The following RPS6KA2 variants were observed in gnomAD, a reference collection of about 807,000 sequenced individuals.
RPS6KA2 encodes the protein ribosomal protein S6 kinase alpha-2.
In RPS6KA2, 42 loss-of-function variants were observed where a neutral mutation model predicts 91.8. The observed-to-expected ratio is 0.46, with a 90% CI of 0.36 to 0.59. RPS6KA2 has a LOEUF of 0.59. Among genes scored for constraint, RPS6KA2 ranks in the 20% least tolerant of loss-of-function variants. RPS6KA2 has a pLI of 0.00. For missense variants in RPS6KA2, 798 were observed against 978.5 expected, an observed-to-expected ratio of 0.82 and a Z score of 2.46; for synonymous variants, 414 against 393.6, an observed-to-expected ratio of 1.05 and a Z score of -0.61.
chr6:166,537,144 G>A (rs564043864), intron 2 of RPS6KA2, among the ~76,000 whole-genome samples: 10 of 152,228 alleles, frequency 6.6e-5, no homozygotes, highest in Non-Finnish European at 1.5e-4. Flanking sequence ...GTATTCCAGC[G>A]CTCCTTCCCT....
chr6:166,759,709 C>A (rs1259345040), intron 2 of RPS6KA2, among the ~76,000 whole-genome samples: 1 of 152,178 alleles, frequency 6.6e-6, no homozygotes, highest in Non-Finnish European at 1.5e-5. Context: ...ATATGTGCAG[C>A]CTTTCACAGA....
rs1055361744 is a variant in RPS6KA2 at position 166,563,943 on chromosome 6, C to G, written c.100-25159G>C. 5.3e-5 allele frequency among the ~76,000 whole-genome samples: 8 copies of G among 152,132 alleles called. No individual in the cohort carries two copies. The highest frequency in any genetic ancestry group is 1.9e-4 in the African/African-American group (8 of 41,418). ...GGCAGGAAAGAGGAGACGATTACTC[C>G]GTGTCTCAGCATGAAGAAATGGCAG... On this transcript the variant is annotated intron_variant, in intron 1 of 20. Coordinates refer to ENST00000265678, the MANE Select transcript of RPS6KA2 (RefSeq NM_021135.6). The surrounding 1 kb of genome is among the most constrained non-coding windows in gnomAD (Gnocchi z 4.1).
At chr6:166,468,019 C>T (rs957369179) in intron 11 of RPS6KA2, among the ~76,000 whole-genome samples, 1 of 152,264 alleles carries the variant, frequency 6.6e-6, no homozygotes, top group Non-Finnish European at 1.5e-5. Flanking sequence ...ATCTGGGTTC[C>T]AGGCACAGTG....
intron 10 of RPS6KA2, among the ~76,000 whole-genome samples, chr6:166,486,065 T>C (rs1048974854): frequency 1.3e-5 from 2 of 152,112 alleles, no homozygotes; most frequent in African/African-American, 4.8e-5. Flanking sequence ...GCACATCTCT[T>C]GGAAATGTGG....
intron 2 of RPS6KA2, among the ~76,000 whole-genome samples, chr6:166,694,447 C>T (rs145849733): frequency 0.012 from 1,832 of 152,310 alleles, 18 homozygotes; most frequent in Admixed American, 0.02. Flanking sequence ...ATTCTTGATT[C>T]CTTAACTAAA....
chr6:166,435,690 A>G lies in RPS6KA2; in HGVS notation c.1333-3200T>C, dbSNP rs974801230. ...AGGGTAGAGCCAGCGGTCTTTCAGC[A>G]AACATCTGGTTTGCTCCTGAGGGGA... is the stretch of plus-strand genomic sequence containing the variant. On this transcript the variant is annotated intron_variant, in intron 14 of 20. Transcript: ENST00000265678. The surrounding 1 kb of genome is among the most constrained non-coding windows in gnomAD (Gnocchi z 4.3). Among the ~76,000 whole-genome samples, 3 of 152,260 alleles carry G rather than the reference A, an allele frequency of 2.0e-5. No homozygotes were observed. Among genetic ancestry groups the G allele is most frequent in the Admixed American group, 1.3e-4 (2 of 15,290 alleles).
rs990737622 is a variant in RPS6KA2 at position 166,779,905 on chromosome 6, T to C, written c.123+78295A>G. ...CGCTAGAGACAACCAATGCTCTCAG[T>C]GGCAAACACTGGGGTGGCAGACTGG... On this transcript the variant is annotated intron_variant, in intron 2 of 21. Transcript: ENST00000503859. 2.0e-5 allele frequency among the ~76,000 whole-genome samples: 3 copies of C among 152,188 alleles called. No individual in the cohort carries two copies. The East Asian group carries it at 5.8e-4, about 29-fold the overall frequency.
Position 166,688,349 on chromosome 6 carries a change from A to C in RPS6KA2, c.124-149565T>G, listed in dbSNP as rs181354716. ...CACAGGGCCCCCGCCAGGGTCCTCA[A>C]CCTCAATTTCCCACTCGTGTCCCAC... On this transcript the variant is annotated intron_variant, in intron 2 of 21. Transcript: ENST00000503859. Among the ~76,000 whole-genome samples the C allele has an allele frequency of 3.6e-3, 542 of 152,198 alleles. 4 individuals are homozygous for C. Among genetic ancestry groups the C allele is most frequent in the African/African-American group, 0.013 (522 of 41,520 alleles).
intron 16 of RPS6KA2, among the ~76,000 whole-genome samples, chr6:166,427,850 A>C (rs1261519421): frequency 6.6e-6 from 1 of 152,230 alleles, no homozygotes; most frequent in Non-Finnish European, 1.5e-5. Flanking sequence ...AGGAAGAATC[A>C]ATATCGTGAA....
rs550461492 is a variant in RPS6KA2, at chr6:166,412,112, C to T, written c.*650G>A. On this transcript the variant is annotated 3_prime_UTR_variant, in exon 21 of 21. Coordinates refer to ENST00000265678, the MANE Select transcript of RPS6KA2 (RefSeq NM_021135.6). This position sits in a 1 kb window ranked among gnomAD's most constrained non-coding sequence, Gnocchi z 4.3. ...AAGATCCAGCCTGCCTTCCTCTCGTCTGGGCTCTTACTCCTCATTTGAATC... is the reference window on the plus strand; with the variant it reads ...AAGATCCAGCCTGCCTTCCTCTCGTTTGGGCTCTTACTCCTCATTTGAATC... 2.0e-4 allele frequency: 31 copies of T among 152,696 alleles called. No homozygotes were observed. Among genetic ancestry groups the T allele is most frequent in the African/African-American group, 6.3e-4 (26 of 41,558 alleles). The allele number at this position is 152,696 out of a possible 1,614,324, so 9.5% of individuals were successfully genotyped here.
chr6:166,674,718 G>C (rs1176365027), intron 2 of RPS6KA2, among the ~76,000 whole-genome samples: 1 of 152,196 alleles, frequency 6.6e-6, no homozygotes, highest in Non-Finnish European at 1.5e-5. Flanking sequence ...GCCCACAATG[G>C]AGTGCAATGG....
At position 166,588,197 on chromosome 6, in the gene RPS6KA2, G is replaced by A. The variant is rs569007466; in HGVS notation, c.99+38724C>T. On this transcript the variant is annotated intron_variant, in intron 1 of 20. Coordinates refer to ENST00000265678, the MANE Select transcript of RPS6KA2 (RefSeq NM_021135.6). ...GCCCTCACCCTCCACTGCTCCCTGA[G>A]TGTGGTTTAAAAAGAGGAACAAGGA... 4.6e-5 allele frequency among the ~76,000 whole-genome samples: 7 copies of A among 152,050 alleles called. No homozygotes were observed. In the South Asian group the frequency reaches 1.3e-3, roughly 27 times the overall value.
At chr6:166,549,301 C>T (rs1473307995) in intron 1 of RPS6KA2, among the ~76,000 whole-genome samples, 7 of 152,180 alleles carry the variant, frequency 4.6e-5, no homozygotes, top group African/African-American at 1.7e-4. Context: ...CAAACGTATT[C>T]CAGGGCATTT....
intron 1 of RPS6KA2, among the ~76,000 whole-genome samples, chr6:166,565,629 G>C (rs1315861794): frequency 1.3e-5 from 2 of 152,230 alleles, no homozygotes. Context: ...GGCAGACTCA[G>C]CCAATCCCAG....
chr6:166,517,455 GTTTTTTTTTTTTTTTTTTTTT>G (rs71032809), intron 3 of RPS6KA2, among the ~76,000 whole-genome samples: 2 of 104,970 alleles, frequency 1.9e-5, no homozygotes, highest in Admixed American at 1.9e-4. Flanking sequence ...CTTTTGTTTT[GTTTTTTTTTTTTTTTTTTTTT>G]TTTTTTTTTT....
At chr6:166,712,240 G>A (rs983167877) in intron 2 of RPS6KA2, among the ~76,000 whole-genome samples, 1 of 152,186 alleles carries the variant, frequency 6.6e-6, no homozygotes, top group African/African-American at 2.4e-5. Flanking sequence ...ACTGTGGATA[G>A]GCACATCACC....
intron 2 of RPS6KA2, among the ~76,000 whole-genome samples, chr6:166,812,596 G>GCGTGGCCTCCCATACCCGTGGCCA: frequency 6.6e-6 from 1 of 152,196 alleles, no homozygotes; most frequent in African/African-American, 2.4e-5. Flanking sequence ...TGTGTTGGGC[G>GCGTGGCCTCCCATACCCGTGGCCA]CGTGGCCTCC....
At chr6:166,415,938 C>A (rs1183212209) in intron 19 of RPS6KA2, among the ~76,000 whole-genome samples, 1 of 148,526 alleles carries the variant, frequency 6.7e-6, no homozygotes, top group African/African-American at 2.5e-5. Flanking sequence ...CCCACCATTA[C>A]CCTCACCACA....
intron 16 of RPS6KA2, among the ~76,000 whole-genome samples, chr6:166,429,339 A>G (rs1239550278): frequency 2.0e-5 from 3 of 150,988 alleles, no homozygotes. Flanking sequence ...CTAATGCTAA[A>G]TGACGAGTTA....
Sources: allele counts gnomAD v4.1 joint callset (sites outside exome capture counted in the v4.1 genomes callset), GRCh38; gene constraint gnomAD v4.1.1; non-coding constraint Gnocchi (gnomAD v3.1); transcripts MANE v1.5; gene names NCBI Gene and HGNC (gene_info 2026-07-23, HGNC 2026-07-21).